Variants in SENP8 observed in about 807,000 individuals in gnomAD.
SENP8 encodes SUMO peptidase family member, NEDD8 specific, also known as sentrin-specific protease 8.
Under a neutral mutation model 14.4 loss-of-function variants are expected in SENP8, and 10 were observed. The observed-to-expected ratio is 0.69, with a 90% CI of 0.43 to 1.18. SENP8 has a LOEUF of 1.18. Ranked by LOEUF, SENP8 falls within the 50% of genes most tolerant of loss-of-function variation. The pLI is 0.00. For missense variants in SENP8, 202 were observed against 249.4 expected, an observed-to-expected ratio of 0.81 and a Z score of 1.28; for synonymous variants, 94 against 95.5, an observed-to-expected ratio of 0.98 and a Z score of 0.09.
At position 72,140,007 on chromosome 15, in the gene SENP8, C is replaced by T. The variant is rs377505560; in HGVS notation, c.384C>T (p.His128=). 2.5e-5 allele frequency: 41 copies of T among 1,614,082 alleles called. No homozygotes were observed. The highest frequency in any genetic ancestry group is 3.2e-5 in the Non-Finnish European group (38 of 1,180,048). Residue 128 remains histidine, a synonymous_variant, in exon 2 of 2, where the codon CAC becomes CAT. Transcript: ENST00000340912. Reference sequence around the variant, plus strand: ...CCCATAGCAGGAGCAACTCAGTTCACGCAAAGCAGGTAGCAGAGAAACTGG... The same window carrying T: ...CCCATAGCAGGAGCAACTCAGTTCATGCAAAGCAGGTAGCAGAGAAACTGG... ...YDSHSRSNSV[H]AKQVAEKLEA... is the part of the protein sequence containing the mutation.
intron 1 of SENP8, chr15:72,134,976 G>C (rs2081312361): frequency 6.5e-6 from 2 of 308,592 alleles, no homozygotes; most frequent in Admixed American, 4.1e-5. Flanking sequence ...AAAATGATCA[G>C]AAAAAGAAGG....
rs1218274959 is a variant in SENP8 at position 72,140,172 on chromosome 15, A to G, written c.549A>G (p.Thr183=). The G allele has an allele frequency of 2.5e-6, 4 of 1,614,214 alleles. No individual in the cohort carries two copies. The highest frequency in any genetic ancestry group is 3.4e-6 in the Non-Finnish European group (4 of 1,180,042). The part of the protein sequence containing the change: ...ALCQNFFRQQ[T]ESLLQLLTPA... ...GTCAGAACTTCTTTAGGCAACAGAC[A>G]GAATCACTGCTGCAGCTACTCACCC... The change falls in exon 2 of 2, where the codon ACA becomes ACG. Residue 183 remains threonine (T), a synonymous_variant. Transcript: ENST00000340912.
At chr15:72,134,113 T>C (rs1447592195) in intron 1 of SENP8, among the ~76,000 whole-genome samples, 1 of 152,148 alleles carries the variant, frequency 6.6e-6, no homozygotes, top group Non-Finnish European at 1.5e-5. Context: ...GCCCCGCTAA[T>C]TTTTTGTATT....
At chr15:72,117,927 G>C (rs1596632507), upstream of SENP8, 18 of 400,170 alleles carry the variant, frequency 4.5e-5, no homozygotes, top group East Asian at 6.4e-4. Context: ...CGCCCAGAGA[G>C]CACGCGTTGG....
chr15:72,136,849 T>G (rs2081332218), intron 1 of SENP8, among the ~76,000 whole-genome samples: 1 of 152,168 alleles, frequency 6.6e-6, no homozygotes, highest in Admixed American at 6.5e-5. Context: ...TTTTCAGAAA[T>G]ATTGTCGTGC....
At chr15:72,132,092 C>G (rs1233151507) in intron 1 of SENP8, among the ~76,000 whole-genome samples, 1 of 152,042 alleles carries the variant, frequency 6.6e-6, no homozygotes, top group South Asian at 2.1e-4. Context: ...ATAACTTGCC[C>G]ACGATCACTT....
chr15:72,143,160 T>C lies in SENP8; in HGVS notation c.*2898T>C, dbSNP rs1263727637. On this transcript the variant is annotated 3_prime_UTR_variant, in exon 2 of 2. Transcript: ENST00000340912. Reference sequence around the variant, plus strand: ...TTGCAGTGAGCTGAGATTGTGCCACTGCACTCCAGCCTAGGCAACAGAGCG... The same window carrying C: ...TTGCAGTGAGCTGAGATTGTGCCACCGCACTCCAGCCTAGGCAACAGAGCG... The C allele has an allele frequency of 6.6e-6, 1 of 150,392 alleles. No individual in the cohort carries two copies. The highest frequency in any genetic ancestry group is 2.5e-5 in the African/African-American group (1 of 40,666). 9.3% of individuals were successfully genotyped at this position (150,392 alleles called of 1,614,324 possible).
At chr15:72,124,608 T>G (rs1246351672) in intron 1 of SENP8, among the ~76,000 whole-genome samples, 1 of 152,214 alleles carries the variant, frequency 6.6e-6, no homozygotes, top group African/African-American at 2.4e-5. Flanking sequence ...TGTTTGAACA[T>G]TTATGGAAAA....
rs534506765 is a variant in SENP8 at position 72,118,407 on chromosome 15, C to G, written c.-105C>G. 111 of 156,706 alleles carry G rather than the reference C, an allele frequency of 7.1e-4. No homozygotes were observed. The highest frequency in any genetic ancestry group is 1.2e-3 in the Non-Finnish European group (84 of 71,174). 9.7% of individuals were successfully genotyped at this position (156,706 alleles called of 1,614,324 possible). A position where few individuals can be genotyped will look rare whatever the true frequency, so the allele number is the denominator to read the frequency against. Reference sequence around the variant, plus strand: ...TCTGAGTTTGCGACCGTAGCTGTCGCTTTCCGGCCAACACAGAGGTGCCTG... The same window carrying G: ...TCTGAGTTTGCGACCGTAGCTGTCGGTTTCCGGCCAACACAGAGGTGCCTG... On this transcript the variant is annotated 5_prime_UTR_variant, in exon 1 of 2. Transcript: ENST00000340912.
chr15:72,138,166 G>C (rs2081345079), intron 1 of SENP8, among the ~76,000 whole-genome samples: 2 of 151,982 alleles, frequency 1.3e-5, no homozygotes, highest in South Asian at 4.1e-4. Flanking sequence ...TTTAATCTCT[G>C]TGCTTCAAGA....
chr15:72,122,837 T>C (rs2081180908), intron 1 of SENP8, among the ~76,000 whole-genome samples: 1 of 152,214 alleles, frequency 6.6e-6, no homozygotes, highest in African/African-American at 2.4e-5. Context: ...TTTCTCTGGC[T>C]CCCAATTAAA....
chr15:72,128,912 C>A (rs1294227890), intron 1 of SENP8, among the ~76,000 whole-genome samples: 2 of 152,130 alleles, frequency 1.3e-5, no homozygotes, highest in Non-Finnish European at 2.9e-5. Flanking sequence ...AAAAAACATA[C>A]CTGAATGAGG....
chr15:72,137,897 G>A (rs866868210), intron 1 of SENP8, among the ~76,000 whole-genome samples: 2 of 151,854 alleles, frequency 1.3e-5, no homozygotes, highest in Non-Finnish European at 2.9e-5. Flanking sequence ...GTGTGAACCC[G>A]GGAAGCGGAG....
chr15:72,123,361 G>A (rs1378615890), intron 1 of SENP8, among the ~76,000 whole-genome samples: 7 of 151,992 alleles, frequency 4.6e-5, no homozygotes, highest in Non-Finnish European at 8.8e-5. Context: ...TTACACAGAC[G>A]TCTTATTAAT....
intron 1 of SENP8, among the ~76,000 whole-genome samples, chr15:72,121,832 G>A (rs1033581375): frequency 5.3e-5 from 8 of 152,200 alleles, no homozygotes; most frequent in Admixed American, 1.3e-4. Context: ...CCTGTCAACA[G>A]GAATATATAC....
rs779132519 is a variant in SENP8, at chr15:72,139,789, C to G, written c.166C>G (p.Pro56Ala). 1.9e-6 allele frequency: 3 copies of G among 1,614,018 alleles called. No homozygotes were observed. Among genetic ancestry groups the G allele is most frequent in the African/African-American group, 1.3e-5 (1 of 74,902 alleles). The change falls in exon 2 of 2, where the codon CCT becomes GCT. Residue 56 changes from proline (P) to alanine (A), a missense_variant. Transcript: ENST00000340912. The part of the protein sequence containing the change: ...DCSDHVSFIS[P>A]EVTQFIKCTS... ...CTCTGATCACGTCAGTTTCATCAGC[C>G]CTGAAGTCACCCAGTTCATCAAGTG... is the stretch of plus-strand genomic sequence containing the variant.
In SENP8 at chr15:72,118,424, A is replaced by C. The variant is rs919198195; in HGVS notation, c.-88A>C. On this transcript the variant is annotated 5_prime_UTR_variant, in exon 1 of 2. Transcript: ENST00000340912. Reference sequence around the variant, plus strand: ...AGCTGTCGCTTTCCGGCCAACACAGAGGTGCCTGAAGGCTGGTTGGGGTGG... The same window carrying C: ...AGCTGTCGCTTTCCGGCCAACACAGCGGTGCCTGAAGGCTGGTTGGGGTGG... 1 of 154,146 alleles carries C rather than the reference A, an allele frequency of 6.5e-6. No homozygotes were observed. Among genetic ancestry groups the C allele is most frequent in the African/African-American group, 2.4e-5 (1 of 41,664 alleles). 9.5% of individuals were successfully genotyped at this position (154,146 alleles called of 1,614,324 possible).
intron 1 of SENP8, among the ~76,000 whole-genome samples, chr15:72,132,584 C>T (rs981183916): frequency 6.8e-6 from 1 of 146,318 alleles, no homozygotes; most frequent in African/African-American, 2.5e-5. Flanking sequence ...TTTTCTCCCA[C>T]CCCATTGATA....
rs2081361660 is a variant in SENP8 at position 72,139,712 on chromosome 15, A to C, written c.89A>C (p.His30Pro). Reference protein sequence around the residue: ...LLDPPSWLNDHIIGFAFEYFA... With the variant: ...LLDPPSWLNDPIIGFAFEYFA... ...GATCCGCCAAGCTGGCTCAATGACCATATTATTGGGTTTGCGTTTGAGTAC... is the reference window on the plus strand; with the variant it reads ...GATCCGCCAAGCTGGCTCAATGACCCTATTATTGGGTTTGCGTTTGAGTAC... Residue 30 changes from histidine (H) to proline (P), a missense_variant, in exon 2 of 2, where the codon CAT becomes CCT. Transcript: ENST00000340912. The C allele has an allele frequency of 6.2e-7, 1 of 1,614,076 alleles. No individual in the cohort carries two copies. The highest frequency in any genetic ancestry group is 8.5e-7 in the Non-Finnish European group (1 of 1,180,044).
Sources: allele counts gnomAD v4.1 joint callset (sites outside exome capture counted in the v4.1 genomes callset), GRCh38; gene constraint gnomAD v4.1.1; transcripts MANE v1.5; gene names NCBI Gene and HGNC (gene_info 2026-07-23, HGNC 2026-07-21).